PRKCH: variants seen among roughly 807,000 people sequenced by gnomAD.
PRKCH encodes protein kinase C eta, also known as protein kinase C eta type.
In PRKCH, 28 loss-of-function variants were observed where a neutral mutation model predicts 82.5. The observed-to-expected ratio is 0.34, with a 90% confidence interval of 0.25 to 0.47. PRKCH has a LOEUF of 0.47. Among genes scored for constraint, PRKCH ranks in the 20% least tolerant of loss-of-function variants. The pLI, the probability that PRKCH is intolerant of heterozygous loss-of-function variation, is 1.00. For missense variants in PRKCH, 705 were observed against 881.8 expected, an observed-to-expected ratio of 0.80 and a Z score of 2.54; for synonymous variants, 322 against 327.4, an observed-to-expected ratio of 0.98 and a Z score of 0.18.
intron 1 of PRKCH, among the ~76,000 whole-genome samples, chr14:61,225,653 A>C (rs2044691356): frequency 6.6e-6 from 1 of 152,222 alleles, no homozygotes; most frequent in Admixed American, 6.5e-5. Flanking sequence ...AGTAACACCA[A>C]ATTTCTTCCA....
chr14:61,423,038 G>A (rs992993686), intron 2 of PRKCH, among the ~76,000 whole-genome samples: 2 of 152,122 alleles, frequency 1.3e-5, no homozygotes, highest in African/African-American at 4.8e-5. Context: ...GAATGAAGTT[G>A]CCCAAATTTA....
At chr14:61,472,456 C>A (rs988475820) in intron 9 of PRKCH, among the ~76,000 whole-genome samples, 2 of 152,140 alleles carry the variant, frequency 1.3e-5, no homozygotes. Flanking sequence ...CAGAGTTTTG[C>A]AAAATGTTTC....
At chr14:61,205,332 C>A (rs2044514156) in intron 1 of PRKCH, among the ~76,000 whole-genome samples, 1 of 152,174 alleles carries the variant, frequency 6.6e-6, no homozygotes, top group Admixed American at 6.5e-5. Context: ...AGTCAGGATT[C>A]TGACAGGAAA....
chr14:61,494,320 G>A (rs1291545568), intron 10 of PRKCH, among the ~76,000 whole-genome samples: 1 of 152,104 alleles, frequency 6.6e-6, no homozygotes, highest in Non-Finnish European at 1.5e-5. Context: ...AGAAACAATT[G>A]GTATGTTCAT....
chr14:61,261,876 T>C (rs960703681), intron 1 of PRKCH, among the ~76,000 whole-genome samples: 1 of 152,176 alleles, frequency 6.6e-6, no homozygotes, highest in East Asian at 1.9e-4. Flanking sequence ...CAGTCCTAAG[T>C]ATTACCTGAA....
chr14:61,400,195 A>G (rs967800596), intron 2 of PRKCH, among the ~76,000 whole-genome samples: 2 of 152,210 alleles, frequency 1.3e-5, no homozygotes, highest in Admixed American at 6.5e-5. Flanking sequence ...ATCAAGGCAG[A>G]TGAAGCATGT....
chr14:61,475,323 A>G (rs746453287), intron 9 of PRKCH, among the ~76,000 whole-genome samples: 3 of 152,258 alleles, frequency 2.0e-5, no homozygotes, highest in Non-Finnish European at 2.9e-5. Flanking sequence ...TAAAAAGTAG[A>G]TAATCATCCA....
chr14:61,328,256 CAAAAAAAAAAAA>C (rs71117811), intron 1 of PRKCH, among the ~76,000 whole-genome samples: 2 of 74,378 alleles, frequency 2.7e-5, no homozygotes, highest in Admixed American at 3.6e-4. Context: ...GACTCCGTCT[CAAAAAAAAAAAA>C]AAAAAAAAAA....
chr14:61,297,716 AGTTC>A lies in PRKCH; in HGVS notation c.-19+110049_-19+110052del, dbSNP rs1245045805. ...CTGCCACTGATCTGACGGGAAGTGG[AGTTC>A]AGGGGGTAATGCTGGCTTGCCCGCC... On this transcript the variant is annotated intron_variant, in intron 1 of 3. Coordinates refer to the PRKCH transcript ENST00000555185. Among the ~76,000 whole-genome samples the A allele has an allele frequency of 2.4e-3, 370 of 152,190 alleles. 3 individuals carry two copies. The highest frequency in any genetic ancestry group is 3.9e-3 in the Admixed American group (59 of 15,282).
chr14:61,524,941 C>A (rs1243889281), intron 10 of PRKCH: 3 of 152,158 alleles, frequency 2.0e-5, no homozygotes, highest in Non-Finnish European at 4.4e-5. Flanking sequence ...TACTTTGGAG[C>A]AAAGTTTATG....
At chr14:61,231,094 C>G (rs879507648) in intron 1 of PRKCH, among the ~76,000 whole-genome samples, 1 of 152,158 alleles carries the variant, frequency 6.6e-6, no homozygotes, top group African/African-American at 2.4e-5. Context: ...GTTAAGAAAG[C>G]ACAGACTCTG....
At chr14:61,402,860 AATTT>A (rs1288526928) in intron 2 of PRKCH, among the ~76,000 whole-genome samples, 3 of 150,372 alleles carry the variant, frequency 2.0e-5, no homozygotes, top group East Asian at 3.9e-4. Context: ...TTAATTAATT[AATTT>A]ATTTATTTTA....
chr14:61,188,600 G>A (rs1361491132), intron 1 of PRKCH, among the ~76,000 whole-genome samples: 4 of 63,104 alleles, frequency 6.3e-5, no homozygotes, highest in Non-Finnish European at 6.8e-5. Flanking sequence ...GGGGGGGTGG[G>A]GGGGTGGTGT....
At chr14:61,384,317 C>T (rs1462946659) in intron 1 of PRKCH, among the ~76,000 whole-genome samples, 1 of 152,102 alleles carries the variant, frequency 6.6e-6, no homozygotes, top group Non-Finnish European at 1.5e-5. Context: ...TCAGGCTTCC[C>T]AGATGGTGGT....
At chr14:61,532,857 A>G (rs1244373109) in intron 12 of PRKCH, among the ~76,000 whole-genome samples, 3 of 152,212 alleles carry the variant, frequency 2.0e-5, no homozygotes, top group Non-Finnish European at 2.9e-5. Context: ...TTGGGAAGCT[A>G]CAAGTCCCTT....
Position 61,457,290 on chromosome 14 carries a change from C to T in PRKCH, c.1075C>T (p.Arg359Ter), listed in dbSNP as rs1401498476. 5.0e-6 allele frequency: 8 copies of T among 1,614,092 alleles called. No individual in the cohort carries two copies. Among genetic ancestry groups the T allele is most frequent in the Admixed American group, 1.7e-5 (1 of 60,026 alleles). ...TGGTATCGACAACTTTGAGTTCATCCGAGTGTTGGGGAAGGGGAGTTTTGG... is the reference window on the plus strand; with the variant it reads ...TGGTATCGACAACTTTGAGTTCATCTGAGTGTTGGGGAAGGGGAGTTTTGG... ...RLGIDNFEFI[R>*]VLGKGSFGKV... The change falls in exon 8 of 14, where the codon CGA becomes TGA. Residue 359 changes from arginine (R) to a stop codon, truncating the protein, a stop_gained. Transcript: ENST00000332981. LOFTEE classifies it high-confidence loss of function.
chr14:61,352,557 G>A (rs1280907459), intron 1 of PRKCH, among the ~76,000 whole-genome samples: 3 of 151,858 alleles, frequency 2.0e-5, no homozygotes, highest in South Asian at 2.1e-4. Context: ...CCAGCTACTC[G>A]GGAAGCTGAG....
At chr14:61,258,516 T>C (rs1048615413) in intron 1 of PRKCH, among the ~76,000 whole-genome samples, 2 of 152,220 alleles carry the variant, frequency 1.3e-5, no homozygotes, top group South Asian at 2.1e-4. Context: ...TGGGTCTAAG[T>C]TGGCAGACAT....
intron 9 of PRKCH, among the ~76,000 whole-genome samples, chr14:61,480,615 A>C (rs1253264225): frequency 1.3e-5 from 2 of 152,200 alleles, no homozygotes; most frequent in Non-Finnish European, 2.9e-5. Flanking sequence ...TTTCAAGCCA[A>C]GCACCATAGC....
Sources: allele counts gnomAD v4.1 joint callset (sites outside exome capture counted in the v4.1 genomes callset), GRCh38; gene constraint gnomAD v4.1.1; transcripts MANE v1.5; gene names NCBI Gene and HGNC (gene_info 2026-07-23, HGNC 2026-07-21).